The following PDXDC1 variants were observed in gnomAD, a reference collection of about 807,000 sequenced individuals.
PDXDC1 encodes pyridoxal dependent decarboxylase domain containing 1, also known as pyridoxal-dependent decarboxylase domain-containing protein 1.
In PDXDC1, 42 loss-of-function variants were observed where a neutral mutation model predicts 100.1. The ratio of observed to expected loss-of-function variants is 0.42; its 90% CI spans 0.33 to 0.54. PDXDC1 has a LOEUF of 0.54. Ranked by LOEUF, PDXDC1 falls within the 20% of genes least tolerant of loss-of-function variation. The pLI is 0.10. For missense variants in PDXDC1, 636 were observed against 979.2 expected (o/e 0.65, Z 4.68); for synonymous variants, 260 against 371.7 (o/e 0.70, Z 3.46).
chr16:15,062,626 GT>G (rs1292325356), intron 16 of PDXDC1, among the ~76,000 whole-genome samples: 1 of 152,174 alleles, frequency 6.6e-6, no homozygotes, highest in Non-Finnish European at 1.5e-5. Flanking sequence ...TAAAACTAAT[GT>G]AAACTGCTGG....
At chr16:15,058,584 A>T (rs921663915) in intron 16 of PDXDC1, among the ~76,000 whole-genome samples, 2 of 151,924 alleles carry the variant, frequency 1.3e-5, no homozygotes, top group African/African-American at 4.8e-5. Flanking sequence ...AAAATTAGCC[A>T]GGCATGGTGG....
rs907294077 is a variant in PDXDC1, at chr16:15,122,703, A to C, written c.1400-16176A>C. ...CAAAAGAGAAGCCAAAAGAGCAGCCACCGCACCCGCATGTCCTGGTCCTTT... is the reference window on the plus strand; with the variant it reads ...CAAAAGAGAAGCCAAAAGAGCAGCCCCCGCACCCGCATGTCCTGGTCCTTT... On this transcript the variant is annotated intron_variant, in intron 16 of 16. Transcript: ENST00000535621. Among the ~76,000 whole-genome samples the C allele has an allele frequency of 2.0e-5, 3 of 147,504 alleles. No homozygotes were observed. The Admixed American group carries it at 2.1e-4, about 10-fold the overall frequency.
chr16:15,130,494 G>A lies in PDXDC1; in HGVS notation c.1400-8385G>A, dbSNP rs1382068102. On this transcript the variant is annotated intron_variant, in intron 16 of 16. Coordinates refer to the PDXDC1 transcript ENST00000535621. Reference sequence around the variant, plus strand: ...GGCAGTGGACGTGAGCCCAGGCTCCGCCAGGTTGGATATCGGAGTCCCAGA... The same window carrying A: ...GGCAGTGGACGTGAGCCCAGGCTCCACCAGGTTGGATATCGGAGTCCCAGA... The A allele has an allele frequency of 6.5e-6, 9 of 1,375,266 alleles. No homozygotes were observed. The East Asian group carries it at 6.9e-5, about 11-fold the overall frequency. 85.2% of individuals were successfully genotyped at this position (1,375,266 alleles called of 1,614,324 possible).
chr16:15,078,509 C>T (rs2045558431), intron 16 of PDXDC1, among the ~76,000 whole-genome samples: 1 of 152,126 alleles, frequency 6.6e-6, no homozygotes, highest in Non-Finnish European at 1.5e-5. Flanking sequence ...ACCTTCTAAC[C>T]ACTAAATCCA....
chr16:14,986,989 TGCCCTGC>T (rs1238069840), intron 1 of PDXDC1, among the ~76,000 whole-genome samples: 2 of 152,414 alleles, frequency 1.3e-5, no homozygotes, highest in Admixed American at 1.3e-4. Flanking sequence ...TTGGGTGATC[TGCCCTGC>T]TTTGGCCTCC....
In PDXDC1 at chr16:15,035,506, C is replaced by T. The variant is rs371601259; in HGVS notation, c.2060C>T (p.Thr687Met). 1.3e-4 allele frequency: 202 copies of T among 1,612,522 alleles called. No homozygotes were observed. Among genetic ancestry groups the T allele is most frequent in the Non-Finnish European group, 1.5e-4 (179 of 1,179,522 alleles). ...YVYKAQGAGV[T>M]LPPTPSGSRT... Reference sequence around the variant, plus strand: ...TACAAAGCACAAGGTGCAGGAGTCACGCTGCCTCCAACGCCCTCGGGCAGT... The same window carrying T: ...TACAAAGCACAAGGTGCAGGAGTCATGCTGCCTCCAACGCCCTCGGGCAGT... Residue 687 changes from threonine to methionine, a missense_variant, in exon 22 of 23, where the codon ACG becomes ATG. Physicochemically the swap from Thr to Met is moderately conservative, Grantham distance 81. Around this residue, in one of 4 missense-constraint regions of PDXDC1, gnomAD observed 452 missense variants for 402.9 expected, o/e 1.12. Transcript: ENST00000396410.
At chr16:15,130,464 G>C in intron 16 of PDXDC1, 1 of 1,425,970 alleles carries the variant, frequency 7.0e-7, no homozygotes, top group African/African-American at 1.4e-5. Context: ...CCTGGGCAGG[G>C]AAGGGGCAGT....
At chr16:15,048,168 G>C (rs2044152138) in intron 16 of PDXDC1, 2 of 1,127,072 alleles carry the variant, frequency 1.8e-6, no homozygotes, top group South Asian at 2.8e-5. Flanking sequence ...AAGATGTGGA[G>C]AGAGCCAAAG....
At chr16:15,105,053 T>C (rs2046746085) in intron 16 of PDXDC1, among the ~76,000 whole-genome samples, 1 of 137,302 alleles carries the variant, frequency 7.3e-6, no homozygotes, top group South Asian at 2.6e-4. Context: ...CATAACAGAG[T>C]AATAAAGAAG....
chr16:15,140,369 G>A (rs562797732), downstream of PDXDC1, among the ~76,000 whole-genome samples: 6 of 149,932 alleles, frequency 4.0e-5, no homozygotes, highest in African/African-American at 1.2e-4. Context: ...ACTTGAACCC[G>A]GGAGGCAGAG....
intron 1 of PDXDC1, among the ~76,000 whole-genome samples, chr16:14,975,875 T>TC (rs1306264083): frequency 2.6e-5 from 4 of 152,294 alleles, no homozygotes; most frequent in African/African-American, 9.6e-5. Flanking sequence ...ACCTCTGAGT[T>TC]CCAGAAAGGG....
upstream of PDXDC1, chr16:14,974,988 A>C: frequency 6.5e-7 from 1 of 1,535,214 alleles, no homozygotes; most frequent in African/African-American, 1.4e-5. Flanking sequence ...GGAATCCCAG[A>C]GGGCTCCGCC....
At chr16:15,109,709 GA>G (rs1163309413) in intron 16 of PDXDC1, among the ~76,000 whole-genome samples, 3 of 112,964 alleles carry the variant, frequency 2.7e-5, no homozygotes, top group Non-Finnish European at 5.1e-5. Flanking sequence ...AAAATTGGCC[GA>G]ATGTGGCGGC....
At chr16:15,039,999 A>C (rs2043737781), downstream of PDXDC1, 1 of 1,610,872 alleles carries the variant, frequency 6.2e-7, no homozygotes, top group Non-Finnish European at 8.5e-7. Context: ...GCGCAGCACG[A>C]AGCTGCTCCT....
intron 16 of PDXDC1, among the ~76,000 whole-genome samples, chr16:15,049,655 G>A (rs1040809597): frequency 2.0e-5 from 3 of 152,028 alleles, no homozygotes; most frequent in Non-Finnish European, 4.4e-5. Context: ...CAAACTCCTG[G>A]CCTCAAGTGA....
chr16:15,130,483 G>A (rs1192665827), intron 16 of PDXDC1: 3 of 1,388,588 alleles, frequency 2.2e-6, no homozygotes, highest in Non-Finnish European at 3.1e-6. Flanking sequence ...GTGGACGTGA[G>A]CCCAGGCTCC....
At chr16:15,130,527 C>G in intron 16 of PDXDC1, 5 of 1,323,616 alleles carry the variant, frequency 3.8e-6, no homozygotes, top group Non-Finnish European at 5.4e-6. Context: ...AGAGCCCATA[C>G]CCGGTCCAGT....
chr16:15,045,895 T>C (rs2044040408), intron 16 of PDXDC1: 2 of 152,178 alleles, frequency 1.3e-5, no homozygotes, highest in Admixed American at 1.3e-4. Flanking sequence ...GTACCCAACA[T>C]AGGGCACAGC....
intron 12 of PDXDC1, among the ~76,000 whole-genome samples, chr16:15,020,111 CAAAAAAAAAA>C (rs56353637): frequency 1.8e-4 from 16 of 90,612 alleles, no homozygotes; most frequent in Non-Finnish European, 2.3e-4. Flanking sequence ...GGCTCCGTCT[CAAAAAAAAAA>C]AAAAAAAAAA....
Sources: allele counts gnomAD v4.1 joint callset (sites outside exome capture counted in the v4.1 genomes callset), GRCh38; gene constraint gnomAD v4.1.1; regional missense constraint gnomAD v4.1.1; transcripts MANE v1.5; gene names NCBI Gene and HGNC (gene_info 2026-07-23, HGNC 2026-07-21).